Variants in WDR72 observed in about 807,000 individuals in gnomAD.
WDR72 encodes the protein WD repeat-containing protein 72.
WDR72 carries 120 observed loss-of-function variants against 124.2 expected under a neutral mutation model. The observed-to-expected ratio is 0.97, with a 90% CI of 0.83 to 1.12. WDR72 has a LOEUF of 1.12. Ranked by LOEUF, WDR72 falls within the 50% of genes most tolerant of loss-of-function variation. The probability of loss-of-function intolerance (pLI) is 0.00; values close to 1 mark genes in which losing one functional copy is unlikely to be tolerated. For missense variants in WDR72, 1,387 were observed against 1,278.8 expected, an observed-to-expected ratio of 1.08 and a Z score of -1.29; for synonymous variants, 452 against 441.7, an observed-to-expected ratio of 1.02 and a Z score of -0.29.
intron 14 of WDR72, among the ~76,000 whole-genome samples, chr15:53,646,594 A>C (rs2140420133): frequency 6.6e-6 from 1 of 152,276 alleles, no homozygotes; most frequent in African/African-American, 2.4e-5. Context: ...AACAAGAGAC[A>C]AAAGCTAGGG....
At chr15:53,739,719 C>T (rs2018456480) in intron 1 of WDR72, among the ~76,000 whole-genome samples, 1 of 152,010 alleles carries the variant, frequency 6.6e-6, no homozygotes, top group Non-Finnish European at 1.5e-5. Context: ...AGTATTGAGA[C>T]AACGAAAATC....
intron 13 of WDR72, among the ~76,000 whole-genome samples, chr15:53,698,966 T>A (rs1471917582): frequency 6.6e-6 from 1 of 152,190 alleles, no homozygotes; most frequent in East Asian, 1.9e-4. Context: ...CACTTACACA[T>A]GACAGTAAAA....
intron 13 of WDR72, among the ~76,000 whole-genome samples, chr15:53,685,080 C>G (rs1057428575): frequency 7.9e-5 from 12 of 151,692 alleles, no homozygotes; most frequent in African/African-American, 2.9e-4. Context: ...TCATCAAAGA[C>G]CAAAAGTAGA....
intron 18 of WDR72, among the ~76,000 whole-genome samples, chr15:53,535,362 T>C (rs771110978): frequency 2.6e-5 from 4 of 152,220 alleles, no homozygotes; most frequent in Non-Finnish European, 5.9e-5. Context: ...TTTCCCATGC[T>C]GGGTATCGAC....
chr15:53,591,289 T>G (rs181371962), intron 18 of WDR72, among the ~76,000 whole-genome samples: 1 of 152,186 alleles, frequency 6.6e-6, no homozygotes, highest in African/African-American at 2.4e-5. Context: ...AGTTTGTTCT[T>G]GGCGATATCC....
intron 1 of WDR72, among the ~76,000 whole-genome samples, chr15:53,749,816 T>C (rs1440308669): frequency 6.6e-6 from 1 of 152,130 alleles, no homozygotes; most frequent in Non-Finnish European, 1.5e-5. Flanking sequence ...GGAAAGATGA[T>C]CAAACCATCC....
intron 14 of WDR72, among the ~76,000 whole-genome samples, chr15:53,650,362 A>G (rs935960931): frequency 6.6e-6 from 1 of 152,206 alleles, no homozygotes; most frequent in Non-Finnish European, 1.5e-5. Flanking sequence ...CACTGTACCT[A>G]GAGTCAGCAA....
chr15:53,761,881 A>G (rs1595894758), upstream of WDR72, among the ~76,000 whole-genome samples: 1 of 152,116 alleles, frequency 6.6e-6, no homozygotes, highest in Non-Finnish European at 1.5e-5. Flanking sequence ...GCCTCTGAAT[A>G]GGGAAAAGCC....
intron 9 of WDR72, among the ~76,000 whole-genome samples, chr15:53,707,453 A>ATT (rs33927924): frequency 0.04 from 5,908 of 149,554 alleles, 144 homozygotes; most frequent in Non-Finnish European, 0.05. Flanking sequence ...TTCTAAATGA[A>ATT]TTTTTTTTTT....
upstream of WDR72, among the ~76,000 whole-genome samples, chr15:53,760,894 T>G (rs2019051105): frequency 6.6e-6 from 1 of 152,040 alleles, no homozygotes; most frequent in Non-Finnish European, 1.5e-5. Context: ...GAGGGCGAGG[T>G]GGGCAAATCA....
At chr15:53,535,972 C>T (rs192986233) in intron 18 of WDR72, among the ~76,000 whole-genome samples, 24 of 152,252 alleles carry the variant, frequency 1.6e-4, no homozygotes, top group Admixed American at 1.1e-3. Flanking sequence ...AATGGCATAT[C>T]CTAGGATGCC....
chr15:53,539,646 GA>G (rs796231959), intron 18 of WDR72, among the ~76,000 whole-genome samples: 59 of 141,798 alleles, frequency 4.2e-4, no homozygotes, highest in African/African-American at 8.5e-4. Flanking sequence ...TAAACATTAG[GA>G]AAAAAAAAAA....
chr15:53,609,738 T>G (rs62005936), intron 16 of WDR72, 146 bp from the exon 17 acceptor site: 4 of 713,284 alleles, frequency 5.6e-6, no homozygotes, highest in Non-Finnish European at 9.9e-6. Context: ...AGATTTTTAT[T>G]TTACAGATCC....
In WDR72 at chr15:53,615,355, A is replaced by C. The variant is rs546786105; in HGVS notation, c.2780+71T>G. 7.1e-6 allele frequency: 9 copies of C among 1,265,042 alleles called. No homozygotes were observed. In the South Asian group the frequency reaches 1.1e-4, roughly 15 times the overall value. 78.4% of individuals were successfully genotyped at this position (1,265,042 alleles called of 1,614,324 possible). A position where few individuals can be genotyped will look rare whatever the true frequency, so the allele number is the denominator to read the frequency against. Reference sequence around the variant, plus strand: ...GAAGGAAGGAATGTTAAAGAGCTAAATATAGCAAATAATGATATATATTTT... The same window carrying C: ...GAAGGAAGGAATGTTAAAGAGCTAACTATAGCAAATAATGATATATATTTT... On this transcript the variant is annotated intron_variant, in intron 15 of 19. Transcript: ENST00000360509.
At chr15:53,752,455 A>G (rs1269536874) in intron 1 of WDR72, among the ~76,000 whole-genome samples, 2 of 152,206 alleles carry the variant, frequency 1.3e-5, no homozygotes, top group African/African-American at 4.8e-5. Flanking sequence ...AAAGTCAGGT[A>G]AAGGTGAAGG....
chr15:53,683,311 T>C (rs2140484213), intron 13 of WDR72, among the ~76,000 whole-genome samples: 1 of 152,258 alleles, frequency 6.6e-6, no homozygotes, highest in South Asian at 2.1e-4. Context: ...CAATGTATTA[T>C]ACATGTCATA....
intron 1 of WDR72, among the ~76,000 whole-genome samples, chr15:53,746,422 A>G (rs1207774667): frequency 6.6e-6 from 1 of 152,238 alleles, no homozygotes; most frequent in African/African-American, 2.4e-5. Flanking sequence ...CACTAGAAAC[A>G]CAAAGGATAA....
chr15:53,546,656 A>G (rs1893481289), intron 18 of WDR72, among the ~76,000 whole-genome samples: 1 of 152,208 alleles, frequency 6.6e-6, no homozygotes, highest in Non-Finnish European at 1.5e-5. Flanking sequence ...CTAAAACATA[A>G]AGTATAATAA....
chr15:53,746,069 C>T (rs2018637214), intron 1 of WDR72, among the ~76,000 whole-genome samples: 1 of 152,136 alleles, frequency 6.6e-6, no homozygotes, highest in Non-Finnish European at 1.5e-5. Context: ...TCCAACATGG[C>T]CTTCATTGCC....
Sources: allele counts gnomAD v4.1 joint callset (sites outside exome capture counted in the v4.1 genomes callset), GRCh38; gene constraint gnomAD v4.1.1; transcripts MANE v1.5; gene names NCBI Gene and HGNC (gene_info 2026-07-23, HGNC 2026-07-21).